ASPG: variants seen among roughly 807,000 people sequenced by gnomAD.
The protein encoded by ASPG is 60 kDa lysophospholipase.
A neutral mutation model predicts 63.2 loss-of-function variants in ASPG; 53 were observed. The ratio of observed to expected loss-of-function variants is 0.84; its 90% CI spans 0.67 to 1.05. The LOEUF is 1.05. Ranked by LOEUF, ASPG falls within the 50% of genes least tolerant of loss-of-function variation. ASPG has a pLI of 0.00. For missense variants in ASPG, 741 were observed against 794.4 expected, an observed-to-expected ratio of 0.93 and a Z score of 0.81; for synonymous variants, 370 against 355.0, an observed-to-expected ratio of 1.04 and a Z score of -0.48.
chr14:104,095,649 G>C lies in ASPG; in HGVS notation c.422G>C (p.Gly141Ala). ...CTGCAGAAGACTGTCATCCTCACTGGGGCCCAGGTAATCCCAGGGGCCCGG... is the reference window on the plus strand; with the variant it reads ...CTGCAGAAGACTGTCATCCTCACTGCGGCCCAGGTAATCCCAGGGGCCCGG... ...ENLQKTVILT[G>A]AQVPIHALWS... Residue 141 changes from glycine to alanine, a missense_variant, in exon 4 of 16, where the codon GGG becomes GCG. Gly to Ala is a moderately conservative substitution (Grantham distance 60). Transcript: ENST00000551177. 6.2e-7 allele frequency: 1 copy of C among 1,612,772 alleles called. No homozygotes were observed. The highest frequency in any genetic ancestry group is 8.5e-7 in the Non-Finnish European group (1 of 1,179,798).
Position 104,105,347 on chromosome 14 carries a change from G to A in ASPG, c.1070G>A (p.Arg357Gln), listed in dbSNP as rs766837441. Residue 357 changes from arginine to glutamine, a missense_variant, in exon 10 of 16, where the codon CGG becomes CAG. Transcript: ENST00000551177. ...CACCAGCTGCTGACCAAGGACCTTC[G>A]GGGGGAGATGACGCCACCCTCGGTG... The part of the protein sequence containing the change: ...VRKELLTKDL[R>Q]GEMTPPSVEE... 41 of 1,612,610 alleles carry A rather than the reference G, an allele frequency of 2.5e-5. No homozygotes were observed. The East Asian group carries it at 6.5e-4, about 25-fold the overall frequency.
chr14:104,095,349 G>A (rs2036549080), intron 3 of ASPG, among the ~76,000 whole-genome samples, 182 bp from the exon 4 acceptor site: 1 of 152,126 alleles, frequency 6.6e-6, no homozygotes, highest in Non-Finnish European at 1.5e-5. Flanking sequence ...CAGGGAGAGC[G>A]TGGGAGTCCC....
Position 104,110,255 on chromosome 14 carries a change from G to A in ASPG, c.1520+940G>A, listed in dbSNP as rs890184905. 3.0e-6 allele frequency: 3 copies of A among 985,066 alleles called. No individual in the cohort carries two copies. Among genetic ancestry groups the A allele is most frequent in the Non-Finnish European group, 2.4e-6 (2 of 829,740 alleles). 61.0% of individuals were successfully genotyped at this position (985,066 alleles called of 1,614,324 possible). On this transcript the variant is annotated intron_variant, in intron 13 of 15. Transcript: ENST00000551177. The surrounding 1 kb of genome is among the most constrained non-coding windows in gnomAD (Gnocchi z 4.7). The stretch of plus-strand genomic sequence containing the variant: ...GGGGAGTGGGTGATGGCGGGGGCTC[G>A]GCTCACTGGCTGGGAGGGGGTGGGT...
At chr14:104,095,480 C>T (rs552919778) in intron 3 of ASPG, 51 bp from the exon 4 acceptor site, 8 of 1,608,870 alleles carry the variant, frequency 5.0e-6, no homozygotes, top group African/African-American at 1.3e-5. Context: ...CAACCTCCCC[C>T]ACACCTGCTT....
intron 11 of ASPG, 47 bp from the exon 12 acceptor site, chr14:104,107,135 C>T (rs2037166254): frequency 6.6e-7 from 1 of 1,524,152 alleles, no homozygotes; most frequent in South Asian, 1.3e-5. Context: ...CCTACCTGGC[C>T]CCGCCTGGGT....
intron 9 of ASPG, 161 bp from the exon 10 acceptor site, chr14:104,105,167 A>C: frequency 8.9e-7 from 1 of 1,128,886 alleles, no homozygotes; most frequent in Admixed American, 2.2e-5. Context: ...TGGCCTTGGG[A>C]GGGGACCCAG....
chr14:104,095,830 G>T (rs934531926), intron 4 of ASPG, among the ~76,000 whole-genome samples, 174 bp downstream of exon 4: 1 of 152,138 alleles, frequency 6.6e-6, no homozygotes, highest in Non-Finnish European at 1.5e-5. Context: ...TCCTGCCCGG[G>T]TGCCAGCACC....
chr14:104,107,352 G>C lies in ASPG; in HGVS notation c.1433+7G>C. On this transcript the variant is annotated splice_region_variant and intron_variant, in intron 12 of 15. Transcript: ENST00000551177. ...TGCTGGCCGTGCGGGGCAGGTAATG[G>C]AGCTAGGGCTGCACAGAGCTGCCTT... 1 of 1,551,750 alleles carries C rather than the reference G, an allele frequency of 6.4e-7. No individual in the cohort carries two copies. Among genetic ancestry groups the C allele is most frequent in the Non-Finnish European group, 8.7e-7 (1 of 1,145,554 alleles).
Position 104,110,554 on chromosome 14 carries a change from G to A in ASPG, c.1521-948G>A, listed in dbSNP as rs2037341087. The A allele has an allele frequency of 2.0e-6, 2 of 985,180 alleles. No homozygotes were observed. The highest frequency in any genetic ancestry group is 4.7e-5 in the South Asian group (1 of 21,288). The allele number at this position is 985,180 out of a possible 1,614,324, so 61.0% of individuals were successfully genotyped here. On this transcript the variant is annotated intron_variant, in intron 13 of 15. Transcript: ENST00000551177. The surrounding 1 kb of genome is among the most constrained non-coding windows in gnomAD (Gnocchi z 4.7). ...GGCTGGACTTGAGCCCCTCGGCTAG[G>A]CCTTCCTAGGGGCCGGTGTGTGTGT...
rs143459263 is a variant in ASPG, at chr14:104,089,327, A to C, written c.83-3306A>C. On this transcript the variant is annotated intron_variant, in intron 1 of 15. Coordinates refer to ENST00000551177, the MANE Select transcript of ASPG (RefSeq NM_001080464.3). ...CGGGAGTTCAAGACCAGCCATGGAC[A>C]ACATGGTGAAACCCTGTCTCTACTA... Among the ~76,000 whole-genome samples, 17 of 152,226 alleles carry C rather than the reference A, an allele frequency of 1.1e-4. No individual in the cohort carries two copies. In the East Asian group the frequency reaches 3.3e-3, roughly 29 times the overall value.
chr14:104,111,365 A>C (rs2037376172), intron 13 of ASPG, 137 bp from the exon 14 acceptor site: 1 of 1,019,730 alleles, frequency 9.8e-7, no homozygotes, highest in Non-Finnish European at 1.4e-6. Flanking sequence ...CTCCTGCCCC[A>C]GGACCAGGTC....
At position 104,114,057 on chromosome 14, in the gene ASPG, C is replaced by T. The variant is rs56243036; in HGVS notation, c.*1513C>T. 76,305 of 152,298 alleles carry T rather than the reference C, an allele frequency of 0.5. 21,833 individuals carry two copies. The highest frequency in any genetic ancestry group is 0.64 in the Non-Finnish European group (43,265 of 68,032). 9.4% of individuals were successfully genotyped at this position (152,298 alleles called of 1,614,324 possible). On this transcript the variant is annotated 3_prime_UTR_variant, in exon 16 of 16. Coordinates refer to ENST00000551177, the MANE Select transcript of ASPG (RefSeq NM_001080464.3). Reference sequence around the variant, plus strand: ...TGGTCTCCCCGGTTGCTCCTGCACACGGCAGTGCCCACCTGCTTCCCTCAG... The same window carrying T: ...TGGTCTCCCCGGTTGCTCCTGCACATGGCAGTGCCCACCTGCTTCCCTCAG...
Position 104,085,872 on chromosome 14 carries a change from CG to C in ASPG, c.82+24del. 1.9e-6 allele frequency: 3 copies of C among 1,571,374 alleles called. No individual in the cohort carries two copies. The highest frequency in any genetic ancestry group is 2.4e-5 in the East Asian group (1 of 41,104). The stretch of plus-strand genomic sequence containing the variant: ...TCGGCGGTGAGTCCGAGACCCTGGG[CG>C]GGGTAGGCCTCTGGACCTGGCCGCG... On this transcript the variant is annotated intron_variant, in intron 1 of 15. Transcript: ENST00000551177.
intron 11 of ASPG, 129 bp from the exon 12 acceptor site, chr14:104,107,053 A>G: frequency 3.7e-6 from 5 of 1,351,996 alleles, no homozygotes; most frequent in Middle Eastern, 2.5e-4. Context: ...GTCAGGTCTC[A>G]CTGAGGCTTT....
rs939687246 is a variant in ASPG, at chr14:104,111,599, G to A, written c.1618G>A (p.Val540Ile). Residue 540 changes from valine to isoleucine, a missense_variant and splice_region_variant, in exon 14 of 16, where the codon GTC becomes ATC. Val to Ile is a conservative substitution (Grantham distance 29). Transcript: ENST00000551177. ...CTATGACGGGCACAGCGCCCTGCAC[G>A]TCGTGAGTGCCCCCACCCCCTGCAC... ...PGYDGHSALH[V>I]AEAAGNLAVV... 17 of 1,548,904 alleles carry A rather than the reference G, an allele frequency of 1.1e-5. No homozygotes were observed. The highest frequency in any genetic ancestry group is 1.4e-5 in the African/African-American group (1 of 72,874).
intron 5 of ASPG, among the ~76,000 whole-genome samples, chr14:104,098,038 A>G (rs901758453): frequency 1.2e-5 from 1 of 81,860 alleles, no homozygotes; most frequent in African/African-American, 4.2e-5. Context: ...AGAGATGCGT[A>G]TGGAGGTTTT....
rs998471499 is a variant in ASPG, at chr14:104,113,338, G to A, written c.*794G>A. 5.9e-5 allele frequency: 9 copies of A among 152,242 alleles called. No individual in the cohort carries two copies. Among genetic ancestry groups the A allele is most frequent in the African/African-American group, 2.2e-4 (9 of 41,426 alleles). 9.4% of individuals were successfully genotyped at this position (152,242 alleles called of 1,614,324 possible). On this transcript the variant is annotated 3_prime_UTR_variant, in exon 16 of 16. Coordinates refer to ENST00000551177, the MANE Select transcript of ASPG (RefSeq NM_001080464.3). Reference sequence around the variant, plus strand: ...CTGTGCCTGCCTGGTTGCACAGCCTGGGCAGGTGGGCGGGTGGGGCGGGCC... The same window carrying A: ...CTGTGCCTGCCTGGTTGCACAGCCTAGGCAGGTGGGCGGGTGGGGCGGGCC...
chr14:104,086,429 G>C (rs772974531), intron 1 of ASPG, among the ~76,000 whole-genome samples: 7 of 152,216 alleles, frequency 4.6e-5, no homozygotes, highest in Non-Finnish European at 8.8e-5. Context: ...TGGTTGACCA[G>C]AGACCAGCGA....
In ASPG at chr14:104,095,645, A is replaced by C; in HGVS notation, c.418A>C (p.Thr140Pro). 6.2e-7 allele frequency: 1 copy of C among 1,612,648 alleles called. No homozygotes were observed. The highest frequency in any genetic ancestry group is 8.5e-7 in the Non-Finnish European group (1 of 1,179,750). The stretch of plus-strand genomic sequence containing the variant: ...GAACCTGCAGAAGACTGTCATCCTC[A>C]CTGGGGCCCAGGTAATCCCAGGGGC... ...LENLQKTVIL[T>P]GAQVPIHALW... The change falls in exon 4 of 16, where the codon ACT (threonine) becomes CCT (proline). Residue 140 changes from threonine (T) to proline (P), a missense_variant. Transcript: ENST00000551177.
Sources: gnomAD v4.1 joint callset for allele counts (sites outside exome capture counted in the v4.1 genomes callset) on GRCh38, gnomAD v4.1.1 for gene constraint, Gnocchi (gnomAD v3.1) non-coding constraint, MANE v1.5 for transcripts, NCBI Gene and HGNC (gene_info 2026-07-23, HGNC 2026-07-21) for gene names.